The following SNX30 variants were observed in gnomAD, a reference collection of about 807,000 sequenced individuals.
SNX30 encodes sorting nexin-30.
SNX30 carries 24 observed loss-of-function variants against 46.4 expected under a neutral mutation model. The observed-to-expected ratio is 0.52, with a 90% CI of 0.37 to 0.73. The LOEUF (loss-of-function observed/expected upper bound fraction) is 0.73, where lower values mean the gene tolerates loss of function less well. SNX30 is among the 30% of genes least tolerant of loss of function. The pLI, the probability that SNX30 is intolerant of heterozygous loss-of-function variation, is 0.00. For synonymous variants in SNX30, 189 were observed against 211.5 expected, an observed-to-expected ratio of 0.89 and a Z score of 0.92; for missense variants, 533 against 555.7, an observed-to-expected ratio of 0.96 and a Z score of 0.41.
intron 6 of SNX30, among the ~76,000 whole-genome samples, chr9:112,840,678 G>GT (rs1840840647): frequency 6.6e-6 from 1 of 152,122 alleles, no homozygotes; most frequent in South Asian, 2.1e-4. Context: ...TAGAGACGGG[G>GT]TTTCCCCATG....
At chr9:112,806,809 GT>G (rs1840232270) in intron 2 of SNX30, among the ~76,000 whole-genome samples, 1 of 151,960 alleles carries the variant, frequency 6.6e-6, no homozygotes, top group Non-Finnish European at 1.5e-5. Flanking sequence ...TTTTCTTTGC[GT>G]TTACATTCAC....
Position 112,847,256 on chromosome 9 carries a change from C to CCGCG in SNX30, c.1015-3601_1015-3600insCGCG, listed in dbSNP as rs1234634507. 1.1e-4 allele frequency among the ~76,000 whole-genome samples: 17 copies of CCGCG among 151,120 alleles called. No individual in the cohort carries two copies. The South Asian group carries it at 1.5e-3, about 13-fold the overall frequency. On this transcript the variant is annotated intron_variant, in intron 6 of 8. Coordinates refer to ENST00000374232, the MANE Select transcript of SNX30 (RefSeq NM_001012994.2). ...TAAACCCACATGTATCCCAGCCGTC[C>CCGCG]CGTGCGTATCCCAGCCGTCCCGCGC...
chr9:112,849,664 G>T (rs990538163), intron 6 of SNX30, among the ~76,000 whole-genome samples: 1 of 152,140 alleles, frequency 6.6e-6, no homozygotes, highest in Non-Finnish European at 1.5e-5. Flanking sequence ...GAGGTTTCCG[G>T]TATTGACACA....
At chr9:112,838,994 G>A (rs113656965) in intron 6 of SNX30, among the ~76,000 whole-genome samples, 4,623 of 152,244 alleles carry the variant, frequency 0.03, 243 homozygotes, top group African/African-American at 0.1. Context: ...AATAATTAGA[G>A]CTCTTGGAAG....
intron 2 of SNX30, among the ~76,000 whole-genome samples, chr9:112,805,379 T>C: frequency 6.6e-6 from 1 of 152,186 alleles, no homozygotes; most frequent in South Asian, 2.1e-4. Flanking sequence ...AATGGGAGGA[T>C]AGAAACTAAT....
chr9:112,764,909 G>A (rs71491060), intron 1 of SNX30, among the ~76,000 whole-genome samples: 32 of 152,200 alleles, frequency 2.1e-4, no homozygotes, highest in African/African-American at 7.7e-4. Flanking sequence ...GACGCAGGGG[G>A]AGTTGTGGCA....
At chr9:112,846,139 G>A (rs1480743637) in intron 6 of SNX30, among the ~76,000 whole-genome samples, 2 of 151,994 alleles carry the variant, frequency 1.3e-5, no homozygotes, top group Admixed American at 1.3e-4. Context: ...AAGAGAATTG[G>A]AGAAAAAAAT....
At chr9:112,778,183 A>G (rs1839779705) in intron 1 of SNX30, among the ~76,000 whole-genome samples, 1 of 151,360 alleles carries the variant, frequency 6.6e-6, no homozygotes, top group Non-Finnish European at 1.5e-5. Flanking sequence ...CCCAAGAATG[A>G]GCATTCTAAG....
chr9:112,794,597 A>G (rs1362623805), intron 1 of SNX30, among the ~76,000 whole-genome samples: 2 of 152,230 alleles, frequency 1.3e-5, no homozygotes, highest in Non-Finnish European at 2.9e-5. Context: ...CTCTGAGACT[A>G]GATCATTCAC....
rs1363779211 is a variant in SNX30 at position 112,874,879 on chromosome 9, GT to G, written c.*6037del. ...TATGGAATTAGTATTACATTTTGAG[GT>G]AAACAAAAGAATTTGTATTGCTTGA... On this transcript the variant is annotated 3_prime_UTR_variant, in exon 9 of 9. Coordinates refer to ENST00000374232, the MANE Select transcript of SNX30 (RefSeq NM_001012994.2). 6.6e-6 allele frequency: 1 copy of G among 152,036 alleles called. No homozygotes were observed. Among genetic ancestry groups the G allele is most frequent in the Non-Finnish European group, 1.5e-5 (1 of 68,014 alleles). 9.4% of individuals were successfully genotyped at this position (152,036 alleles called of 1,614,324 possible). A position where few individuals can be genotyped will look rare whatever the true frequency, so the allele number is the denominator to read the frequency against.
chr9:112,850,137 G>T (rs1841000228), intron 6 of SNX30, among the ~76,000 whole-genome samples: 1 of 152,202 alleles, frequency 6.6e-6, no homozygotes, highest in Non-Finnish European at 1.5e-5. Flanking sequence ...TGCACCCCGG[G>T]TGCCTAGCTT....
chr9:112,866,376 T>C, intron 8 of SNX30: 2 of 462,414 alleles, frequency 4.3e-6, no homozygotes, highest in Non-Finnish European at 9.0e-6. Flanking sequence ...ATATTCCAGG[T>C]ATAGGAGACA....
intron 3 of SNX30, among the ~76,000 whole-genome samples, chr9:112,821,555 C>T (rs532348085): frequency 7.6e-4 from 115 of 151,446 alleles, no homozygotes; most frequent in Non-Finnish European, 1.5e-3. Flanking sequence ...GGTGTGATCT[C>T]GGCTCACTGC....
chr9:112,839,370 G>A (rs942539421), intron 6 of SNX30, among the ~76,000 whole-genome samples: 3 of 152,190 alleles, frequency 2.0e-5, no homozygotes, highest in Admixed American at 6.5e-5. Context: ...AAAGTGATAC[G>A]AATTTGAAAG....
intron 4 of SNX30, among the ~76,000 whole-genome samples, chr9:112,834,882 A>ACACACACACACACACACACACACACAC (rs56385707): frequency 9.5e-6 from 1 of 105,252 alleles, no homozygotes; most frequent in African/African-American, 3.0e-5. Context: ...ACACACACAC[A>ACACACACACACACACACACACACACAC]CCTACCTCAA....
rs893619164 is a variant in SNX30, at chr9:112,872,021, A to G, written c.*3178A>G. 1 of 152,094 alleles carries G rather than the reference A, an allele frequency of 6.6e-6. No individual in the cohort carries two copies. Among genetic ancestry groups the G allele is most frequent in the African/African-American group, 2.4e-5 (1 of 41,396 alleles). 9.4% of individuals were successfully genotyped at this position (152,094 alleles called of 1,614,324 possible). ...CATATTCCACCACGTCATTCCTTCAACTCACCAGACACCTTTCTTTAGTTG... is the reference window on the plus strand; with the variant it reads ...CATATTCCACCACGTCATTCCTTCAGCTCACCAGACACCTTTCTTTAGTTG... On this transcript the variant is annotated 3_prime_UTR_variant, in exon 9 of 9. Transcript: ENST00000374232.
At position 112,772,807 on chromosome 9, in the gene SNX30, C is replaced by T. The variant is rs114039386; in HGVS notation, c.156+21650C>T. 1.6e-3 allele frequency among the ~76,000 whole-genome samples: 236 copies of T among 152,228 alleles called. 2 individuals are homozygous for T. The highest frequency in any genetic ancestry group is 5.4e-3 in the African/African-American group (223 of 41,528). On this transcript the variant is annotated intron_variant, in intron 1 of 8. Transcript: ENST00000374232. ...ATATGTCTTCAAGTGTTGATCCTGG[C>T]GTGTTTGCTCCTTGATTTAAAACAA...
chr9:112,794,928 G>A (rs527703331), intron 1 of SNX30, among the ~76,000 whole-genome samples: 1 of 152,162 alleles, frequency 6.6e-6, no homozygotes, highest in Non-Finnish European at 1.5e-5. Flanking sequence ...AACCTACATG[G>A]TGAAAATTGG....
intron 1 of SNX30, among the ~76,000 whole-genome samples, chr9:112,759,446 C>T (rs1026467988): frequency 5.3e-5 from 8 of 152,098 alleles, no homozygotes; most frequent in Admixed American, 3.3e-4. Flanking sequence ...GGTGTGCACA[C>T]GGGCCAGGCA....
Sources: gnomAD v4.1 joint callset for allele counts (sites outside exome capture counted in the v4.1 genomes callset) on GRCh38, gnomAD v4.1.1 for gene constraint, MANE v1.5 for transcripts, NCBI Gene and HGNC (gene_info 2026-07-23, HGNC 2026-07-21) for gene names.